The following SOX6 variants were observed in gnomAD, a reference collection of about 807,000 sequenced individuals.
SOX6 encodes the protein SRY-box transcription factor 6.
In SOX6, 11 loss-of-function variants were observed where a neutral mutation model predicts 97.8. The observed-to-expected ratio is 0.11, with a 90% confidence interval of 0.07 to 0.19. The LOEUF (loss-of-function observed/expected upper bound fraction) is 0.19, where lower values mean the gene tolerates loss of function less well. Ranked by LOEUF, SOX6 falls within the 10% of genes least tolerant of loss-of-function variation. The pLI is 1.00. For missense variants in SOX6, 810 were observed against 1,039.5 expected (o/e 0.78, Z 3.04); for synonymous variants, 360 against 371.4 (o/e 0.97, Z 0.35).
intron 4 of SOX6, among the ~76,000 whole-genome samples, chr11:16,201,622 A>C (rs867333135): frequency 1.5e-5 from 2 of 133,690 alleles, no homozygotes; most frequent in African/African-American, 5.5e-5. Context: ...TTTGCAAAGT[A>C]TTTTTTTTTT....
At chr11:16,583,758 T>C (rs2133968951) in intron 4 of SOX6, among the ~76,000 whole-genome samples, 1 of 151,404 alleles carries the variant, frequency 6.6e-6, no homozygotes, top group South Asian at 2.1e-4. Context: ...ACTGATTCCC[T>C]TTCCTTTGAC....
chr11:16,545,416 A>G (rs898812511), intron 4 of SOX6, among the ~76,000 whole-genome samples: 1 of 152,100 alleles, frequency 6.6e-6, no homozygotes, highest in Non-Finnish European at 1.5e-5. Flanking sequence ...ACACCTCTTC[A>G]TGATAAAAAC....
chr11:16,199,089 GA>G (rs1851865023), intron 4 of SOX6, among the ~76,000 whole-genome samples: 1 of 152,142 alleles, frequency 6.6e-6, no homozygotes, highest in African/African-American at 2.4e-5. Context: ...TTAGTTCTCA[GA>G]ATAGTTGGTG....
intron 13 of SOX6, among the ~76,000 whole-genome samples, chr11:16,002,651 T>C (rs1343310159): frequency 2.0e-5 from 3 of 152,158 alleles, no homozygotes; most frequent in African/African-American, 7.2e-5. Flanking sequence ...CCACTGAGGT[T>C]GAAATAAGGC....
intron 1 of SOX6, among the ~76,000 whole-genome samples, chr11:16,344,827 TA>T (rs894965107): frequency 9.9e-5 from 15 of 151,532 alleles, no homozygotes; most frequent in South Asian, 2.1e-4. Flanking sequence ...TAATTTGTAT[TA>T]AAAAAAAATC....
chr11:16,477,615 C>G (rs1056669814), upstream of SOX6, among the ~76,000 whole-genome samples: 1 of 152,182 alleles, frequency 6.6e-6, no homozygotes, highest in Non-Finnish European at 1.5e-5. Flanking sequence ...GTTTGGGAGG[C>G]TGAGGCGAGT....
chr11:16,388,364 G>C (rs1187734041), intron 1 of SOX6, among the ~76,000 whole-genome samples: 2 of 151,984 alleles, frequency 1.3e-5, no homozygotes, highest in South Asian at 2.1e-4. Context: ...AAGGATATTG[G>C]TCTATAATTT....
At chr11:16,046,423 C>T in intron 12 of SOX6, 91 bp downstream of exon 12, 1 of 1,399,076 alleles carries the variant, frequency 7.1e-7, no homozygotes, top group Non-Finnish European at 1.0e-6. Flanking sequence ...AAATCTATGG[C>T]TGCAGGTTGA....
chr11:16,096,138 G>GAA lies in SOX6; in HGVS notation c.979-22_979-21dup, dbSNP rs747111778. 6.0e-4 allele frequency: 794 copies of GAA among 1,327,052 alleles called. No individual in the cohort carries two copies. Among genetic ancestry groups the GAA allele is most frequent in the Middle Eastern group, 1.1e-3 (5 of 4,584 alleles). 82.2% of individuals were successfully genotyped at this position (1,327,052 alleles called of 1,614,324 possible). ...ACCCTTCTGTTTAGTAGCATATTCA[G>GAA]AAAAAAAAAAAAAGACAAAACATAC... is the stretch of plus-strand genomic sequence containing the variant. On this transcript the variant is annotated intron_variant, in intron 8 of 15. Transcript: ENST00000683767.
At chr11:16,065,740 C>T (rs1187897046) in intron 9 of SOX6, among the ~76,000 whole-genome samples, 1 of 152,078 alleles carries the variant, frequency 6.6e-6, no homozygotes, top group Non-Finnish European at 1.5e-5. Flanking sequence ...CATCACTAGC[C>T]TTATACAAAA....
chr11:16,670,580 A>G (rs1345708673), intron 3 of SOX6, among the ~76,000 whole-genome samples: 1 of 152,136 alleles, frequency 6.6e-6, no homozygotes, highest in African/African-American at 2.4e-5. Context: ...CAAGGAGAGG[A>G]GGCCAGTCTA....
chr11:16,398,073 C>T (rs1172471133), intron 1 of SOX6, among the ~76,000 whole-genome samples: 1 of 151,466 alleles, frequency 6.6e-6, no homozygotes, highest in African/African-American at 2.4e-5. Context: ...AATCTATAAA[C>T]ACTTGCATCA....
chr11:16,125,793 T>A (rs961678330), intron 6 of SOX6, among the ~76,000 whole-genome samples: 3 of 142,232 alleles, frequency 2.1e-5, no homozygotes, highest in Non-Finnish European at 4.6e-5. Context: ...CATTGAAACT[T>A]TCACATGTTC....
At chr11:16,433,265 T>A (rs2133078059) in intron 1 of SOX6, among the ~76,000 whole-genome samples, 1 of 152,168 alleles carries the variant, frequency 6.6e-6, no homozygotes, top group East Asian at 1.9e-4. Flanking sequence ...CTCTTCTCCC[T>A]TTTGAAGAAA....
At chr11:16,055,631 T>G in intron 10 of SOX6, 121 bp downstream of exon 10, 7 of 1,144,528 alleles carry the variant, frequency 6.1e-6, no homozygotes, top group Admixed American at 2.0e-5. Context: ...AAGAGGGACA[T>G]TTTGGGGTTG....
intron 4 of SOX6, among the ~76,000 whole-genome samples, chr11:16,584,158 A>G (rs1287550246): frequency 6.6e-6 from 1 of 152,160 alleles, no homozygotes; most frequent in Non-Finnish European, 1.5e-5. Context: ...TCCTGTCTAC[A>G]TGAAGCTTAC....
intron 4 of SOX6, among the ~76,000 whole-genome samples, chr11:16,521,192 G>C (rs1295781390): frequency 6.6e-6 from 1 of 152,194 alleles, no homozygotes; most frequent in Non-Finnish European, 1.5e-5. Context: ...GTGGGTCCCT[G>C]ACCCCTGAAC....
chr11:16,656,274 C>T (rs1321387702), intron 3 of SOX6, among the ~76,000 whole-genome samples: 2 of 152,168 alleles, frequency 1.3e-5, no homozygotes, highest in African/African-American at 4.8e-5. Flanking sequence ...GACAGGGTTT[C>T]ACCATGTTGG....
At chr11:16,533,562 C>T (rs1861265549) in intron 4 of SOX6, among the ~76,000 whole-genome samples, 1 of 151,898 alleles carries the variant, frequency 6.6e-6, no homozygotes. Flanking sequence ...GCTGAAGATG[C>T]TTAAAGTGAT....
Sources: gnomAD v4.1 joint callset for allele counts (sites outside exome capture counted in the v4.1 genomes callset) on GRCh38, gnomAD v4.1.1 for gene constraint, MANE v1.5 for transcripts, NCBI Gene and HGNC (gene_info 2026-07-23, HGNC 2026-07-21) for gene names.